LHFPL4: variants seen among roughly 807,000 people sequenced by gnomAD.
The protein encoded by LHFPL4 is LHFPL tetraspan subfamily member 4.
Under a neutral mutation model 20.0 loss-of-function variants are expected in LHFPL4, and 6 were observed. The observed-to-expected ratio is 0.30, with a 90% CI of 0.16 to 0.59. The LOEUF is 0.59. Among genes scored for constraint, LHFPL4 ranks in the 20% least tolerant of loss-of-function variants. The pLI is 0.88. For missense variants in LHFPL4, 215 were observed against 331.2 expected (o/e 0.65, Z 2.72); for synonymous variants, 129 against 143.8 (o/e 0.90, Z 0.74).
intron 3 of LHFPL4, among the ~76,000 whole-genome samples, 153 bp from the exon 4 acceptor site, chr3:9,502,464 G>A (rs1261684330): frequency 1.3e-5 from 2 of 152,062 alleles, no homozygotes; most frequent in Non-Finnish European, 2.9e-5. Flanking sequence ...CACTTTGGGA[G>A]GCTGAGGCGG....
chr3:9,506,585 C>A lies in LHFPL4; in HGVS notation c.407-382G>T, dbSNP rs1255276652. On this transcript the variant is annotated intron_variant, in intron 2 of 3. Transcript: ENST00000287585. This position sits in a 1 kb window ranked among gnomAD's most constrained non-coding sequence, Gnocchi z 4.5. ...TCCTCATTATTATTATTATTGTTGTCGTTGTTGTTGTTTGAGACGGAGTCT... is the reference window on the plus strand; with the variant it reads ...TCCTCATTATTATTATTATTGTTGTAGTTGTTGTTGTTTGAGACGGAGTCT... Among the ~76,000 whole-genome samples, 1 of 151,906 alleles carries A rather than the reference C, an allele frequency of 6.6e-6. No homozygotes were observed. Among genetic ancestry groups the A allele is most frequent in the Admixed American group, 6.6e-5 (1 of 15,262 alleles).
At chr3:9,542,632 C>T (rs2046484338) in intron 2 of LHFPL4, among the ~76,000 whole-genome samples, 3 of 151,648 alleles carry the variant, frequency 2.0e-5, no homozygotes, top group Admixed American at 1.3e-4. Context: ...CATAGAGAGA[C>T]CTCGTTTCTA....
chr3:9,541,767 G>A (rs762335349), intron 2 of LHFPL4, among the ~76,000 whole-genome samples: 2 of 151,304 alleles, frequency 1.3e-5, no homozygotes, highest in Admixed American at 6.6e-5. Context: ...GCAAAATTTC[G>A]CCTCAAAGAA....
chr3:9,506,564 CATT>C lies in LHFPL4; in HGVS notation c.407-364_407-362del, dbSNP rs201867489. On this transcript the variant is annotated intron_variant, in intron 2 of 3. Coordinates refer to ENST00000287585, the MANE Select transcript of LHFPL4 (RefSeq NM_198560.3). This position sits in a 1 kb window ranked among gnomAD's most constrained non-coding sequence, Gnocchi z 4.5. ...CTCCCTCTCCCATCTCTCCCATCCT[CATT>C]ATTATTATTATTGTTGTCGTTGTTG... 6.6e-5 allele frequency among the ~76,000 whole-genome samples: 10 copies of C among 152,092 alleles called. No individual in the cohort carries two copies. Among genetic ancestry groups the C allele is most frequent in the Non-Finnish European group, 1.2e-4 (8 of 68,016 alleles).
At chr3:9,546,441 A>T (rs368033388) in intron 2 of LHFPL4, among the ~76,000 whole-genome samples, 1 of 152,010 alleles carries the variant, frequency 6.6e-6, no homozygotes, top group South Asian at 2.1e-4. Flanking sequence ...CTTCCATTCC[A>T]TTCTACACAT....
chr3:9,502,026 G>A lies in LHFPL4; in HGVS notation c.*185C>T. The A allele has an allele frequency of 1.6e-6, 1 of 614,540 alleles. No homozygotes were observed. 38.1% of individuals were successfully genotyped at this position (614,540 alleles called of 1,614,324 possible). On this transcript the variant is annotated 3_prime_UTR_variant, in exon 4 of 4. Coordinates refer to ENST00000287585, the MANE Select transcript of LHFPL4 (RefSeq NM_198560.3). Reference sequence around the variant, plus strand: ...AATTAGACCCTCCCAAGGTTTGGAGGGCCTCTCCTCTCCCCCAGGCCACAT... The same window carrying A: ...AATTAGACCCTCCCAAGGTTTGGAGAGCCTCTCCTCTCCCCCAGGCCACAT...
intron 3 of LHFPL4, among the ~76,000 whole-genome samples, chr3:9,502,737 C>T (rs1278786306): frequency 6.6e-6 from 1 of 151,642 alleles, no homozygotes; most frequent in Non-Finnish European, 1.5e-5. Flanking sequence ...GGCAGAGGGG[C>T]AGACTGCACA....
intron 2 of LHFPL4, among the ~76,000 whole-genome samples, chr3:9,538,234 C>A (rs917093151): frequency 2.0e-5 from 3 of 152,174 alleles, no homozygotes; most frequent in African/African-American, 7.2e-5. Context: ...TTCTCCGCAG[C>A]AGCCTCCCAA....
chr3:9,502,414 C>T (rs2046183533), intron 3 of LHFPL4, 103 bp from the exon 4 acceptor site: 2 of 866,880 alleles, frequency 2.3e-6, no homozygotes, highest in South Asian at 1.4e-5. Flanking sequence ...CACAAGTGGG[C>T]AGAGGGGCCG....
At chr3:9,525,931 CCT>C (rs1227933233) in intron 2 of LHFPL4, among the ~76,000 whole-genome samples, 5 of 152,114 alleles carry the variant, frequency 3.3e-5, no homozygotes, top group African/African-American at 1.2e-4. Flanking sequence ...CTCTTAACTA[CCT>C]CTCTTTTTCT....
chr3:9,509,252 T>G (rs1296703597), intron 2 of LHFPL4, among the ~76,000 whole-genome samples: 1 of 105,984 alleles, frequency 9.4e-6, no homozygotes, highest in African/African-American at 4.9e-5. Context: ...CCCCCCTCTC[T>G]CTCTCTCTGG....
intron 2 of LHFPL4, among the ~76,000 whole-genome samples, chr3:9,511,184 T>C (rs1191398605): frequency 6.6e-6 from 1 of 151,660 alleles, no homozygotes; most frequent in East Asian, 1.9e-4. Context: ...AACCCATCTC[T>C]ACTAAAAATA....
chr3:9,504,177 C>G (rs2046199472), intron 3 of LHFPL4, among the ~76,000 whole-genome samples: 1 of 152,156 alleles, frequency 6.6e-6, no homozygotes, highest in East Asian at 1.9e-4. Flanking sequence ...TTGAGACCAG[C>G]CTGGCCAACA....
intron 2 of LHFPL4, among the ~76,000 whole-genome samples, chr3:9,531,714 T>C (rs190690649): frequency 6.6e-6 from 1 of 152,098 alleles, no homozygotes; most frequent in East Asian, 1.9e-4. Flanking sequence ...GGCAGGAGAA[T>C]TGTTTGAACC....
chr3:9,522,498 G>C lies in LHFPL4; in HGVS notation c.407-16295C>G, dbSNP rs1398580291. Among the ~76,000 whole-genome samples the C allele has an allele frequency of 5.3e-5, 8 of 151,912 alleles. No individual in the cohort carries two copies. The East Asian group carries it at 1.6e-3, about 30-fold the overall frequency. ...CTCATGCCTGTAATCCCAGCACTTT[G>C]GGAGGCCAAGGCGGGCAGATCACCT... On this transcript the variant is annotated intron_variant, in intron 2 of 3. Transcript: ENST00000287585.
At chr3:9,505,130 C>G (rs939037177) in intron 3 of LHFPL4, among the ~76,000 whole-genome samples, 1 of 152,160 alleles carries the variant, frequency 6.6e-6, no homozygotes, top group Non-Finnish European at 1.5e-5. Flanking sequence ...CAGCCACCAG[C>G]GCCCTTGAAC....
At chr3:9,521,923 T>C (rs995128197) in intron 2 of LHFPL4, among the ~76,000 whole-genome samples, 1 of 152,166 alleles carries the variant, frequency 6.6e-6, no homozygotes, top group African/African-American at 2.4e-5. Context: ...CCATATTTGT[T>C]ACTATTTTAT....
In LHFPL4 at chr3:9,552,488, G is replaced by A. The variant is rs1257465492; in HGVS notation, c.192C>T (p.Tyr64=). ...GGCCCGCCAGCCCGCTGCCCACGCA[G>A]TAGTGGAAGAGGCCGAAGTAGCCAG... ...PKPGYFGLFH[Y]CVGSGLAGRE... The change falls in exon 2 of 4, where the codon TAC becomes TAT. Residue 64 remains tyrosine, a synonymous_variant. Coordinates refer to ENST00000287585, the MANE Select transcript of LHFPL4 (RefSeq NM_198560.3). 6.2e-7 allele frequency: 1 copy of A among 1,613,550 alleles called. No individual in the cohort carries two copies. Among genetic ancestry groups the A allele is most frequent in the Non-Finnish European group, 8.5e-7 (1 of 1,179,880 alleles).
rs778445598 is a variant in LHFPL4, at chr3:9,499,438, A to T, written c.*2773T>A. On this transcript the variant is annotated 3_prime_UTR_variant, in exon 4 of 4. Coordinates refer to ENST00000287585, the MANE Select transcript of LHFPL4 (RefSeq NM_198560.3). ...GGTTCCCGCAGACTTCAGCCCACACAACTCTGCCTTCCTGACTCCAAACTC... is the reference window on the plus strand; with the variant it reads ...GGTTCCCGCAGACTTCAGCCCACACTACTCTGCCTTCCTGACTCCAAACTC... 6.6e-6 allele frequency: 1 copy of T among 152,424 alleles called. No individual in the cohort carries two copies. Among genetic ancestry groups the T allele is most frequent in the Non-Finnish European group, 1.5e-5 (1 of 68,314 alleles). 9.4% of individuals were successfully genotyped at this position (152,424 alleles called of 1,614,324 possible).
Sources: allele counts gnomAD v4.1 joint callset (sites outside exome capture counted in the v4.1 genomes callset), GRCh38; gene constraint gnomAD v4.1.1; non-coding constraint Gnocchi (gnomAD v3.1); transcripts MANE v1.5; gene names NCBI Gene and HGNC (gene_info 2026-07-23, HGNC 2026-07-21).